CARNS1: variants seen among roughly 807,000 people sequenced by gnomAD.
CARNS1 encodes carnosine synthase 1.
Under a neutral mutation model 74.0 loss-of-function variants are expected in CARNS1, and 61 were observed. The observed-to-expected ratio is 0.82, with a 90% CI of 0.67 to 1.02. CARNS1 has a LOEUF of 1.02. Ranked by LOEUF, CARNS1 falls within the 50% of genes least tolerant of loss-of-function variation. CARNS1 has a pLI of 0.00. For missense variants in CARNS1, 1,278 were observed against 1,308.4 expected (o/e 0.98, Z 0.36); for synonymous variants, 568 against 605.5 (o/e 0.94, Z 0.91).
intron 3 of CARNS1, 118 bp from the exon 4 acceptor site, chr11:67,418,313 G>A (rs1360377950): frequency 8.9e-6 from 6 of 677,230 alleles, no homozygotes; most frequent in Non-Finnish European, 1.4e-5. Context: ...TGTCTCATCC[G>A]ATTCCTGGGA....
In CARNS1 at chr11:67,424,698, C is replaced by A. The variant is rs144378574; in HGVS notation, c.*97C>A. 1,110 of 1,305,724 alleles carry A rather than the reference C, an allele frequency of 8.5e-4. 6 individuals are homozygous for A. In the African/African-American group the frequency reaches 0.014, roughly 16 times the overall value. 80.9% of individuals were successfully genotyped at this position (1,305,724 alleles called of 1,614,324 possible). On this transcript the variant is annotated 3_prime_UTR_variant, in exon 10 of 10. Transcript: ENST00000687366. Reference sequence around the variant, plus strand: ...TCCTGCTTCTCTCCCCATCACCATGCCCCAGCCCCAGCCTGGCCCGCTGCA... The same window carrying A: ...TCCTGCTTCTCTCCCCATCACCATGACCCAGCCCCAGCCTGGCCCGCTGCA...
intron 2 of CARNS1, chr11:67,416,774 G>A (rs1417034293): frequency 1.0e-6 from 1 of 986,266 alleles, no homozygotes; most frequent in Non-Finnish European, 1.2e-6. Context: ...CTCAGAGAGG[G>A]GAGGGACGTT....
Position 67,423,942 on chromosome 11 carries a change from G to A in CARNS1, c.2194G>A (p.Glu732Lys), listed in dbSNP as rs780065110. 2.5e-6 allele frequency: 4 copies of A among 1,613,590 alleles called. No individual in the cohort carries two copies. Among genetic ancestry groups the A allele is most frequent in the South Asian group, 2.2e-5 (2 of 91,072 alleles). The change falls in exon 10 of 10, where the codon GAG becomes AAG. Residue 732 changes from glutamate (E) to lysine (K), a missense_variant. Glu to Lys is a moderately conservative substitution (Grantham distance 56). Transcript: ENST00000687366. This position sits in a 1 kb window ranked among gnomAD's most constrained non-coding sequence, Gnocchi z 5.1. ...MLLMEFVEGT[E>K]HDVDLVLFGG... ...GCTGATGGAGTTTGTGGAGGGCACCGAGCACGACGTGGACCTGGTGTTGTT... is the reference window on the plus strand; with the variant it reads ...GCTGATGGAGTTTGTGGAGGGCACCAAGCACGACGTGGACCTGGTGTTGTT...
In CARNS1 at chr11:67,419,064, G is replaced by C. The variant is rs1349857876; in HGVS notation, c.673G>C (p.Gly225Arg). The change falls in exon 5 of 10, where the codon GGT (glycine) becomes CGT (arginine). Residue 225 changes from glycine (G) to arginine (R), a missense_variant. Around this residue, in one of 3 missense-constraint regions of CARNS1, gnomAD observed 1,164 missense variants for 1,156.5 expected, o/e 1.01. Coordinates refer to ENST00000687366, the MANE Select transcript of CARNS1 (RefSeq NM_001166222.2). ...LTRQLLAQQG[G>R]VAVPATLAFT... ...AAGGCAGTTGCTGGCCCAGCAGGGT[G>C]GTGTGGCTGTGCCAGCAACCCTGGC... 1 of 1,560,748 alleles carries C rather than the reference G, an allele frequency of 6.4e-7. No homozygotes were observed. The highest frequency in any genetic ancestry group is 8.7e-7 in the Non-Finnish European group (1 of 1,153,806).
At chr11:67,418,704 G>A (rs984909596) in intron 4 of CARNS1, 52 bp from the exon 5 acceptor site, 15 of 1,503,274 alleles carry the variant, frequency 1.0e-5, no homozygotes, top group East Asian at 2.4e-5. Flanking sequence ...GGGGGCCCGG[G>A]CATAGGGCAT....
intron 3 of CARNS1, 83 bp from the exon 4 acceptor site, chr11:67,418,348 C>A: frequency 1.0e-6 from 1 of 1,001,044 alleles, no homozygotes; most frequent in Non-Finnish European, 1.4e-6. Context: ...CAGGGTGGGG[C>A]CGTGGGTGTG....
In CARNS1 at chr11:67,417,234, G is replaced by C. The variant is rs186724694; in HGVS notation, c.4-173G>C. The C allele has an allele frequency of 5.4e-4, 663 of 1,234,646 alleles. 5 individuals carry two copies. Among genetic ancestry groups the C allele is most frequent in the Non-Finnish European group, 3.2e-4 (314 of 989,000 alleles). 76.5% of individuals were successfully genotyped at this position (1,234,646 alleles called of 1,614,324 possible). A position where few individuals can be genotyped will look rare whatever the true frequency, so the allele number is the denominator to read the frequency against. ...GTTTACAAAGCACTCCCACGGTTGC[G>C]TTCCCATTAACAAGCCTTCGCCCCC... On this transcript the variant is annotated intron_variant, in intron 2 of 9. Transcript: ENST00000687366.
In CARNS1 at chr11:67,425,219, G is replaced by A; in HGVS notation, c.*618G>A. Reference sequence around the variant, plus strand: ...ACAACTGCCTATGTTCCCCCGATGAGAGGAAACAGGCTGAGAGAAGAAAAA... The same window carrying A: ...ACAACTGCCTATGTTCCCCCGATGAAAGGAAACAGGCTGAGAGAAGAAAAA... On this transcript the variant is annotated 3_prime_UTR_variant, in exon 10 of 10. Transcript: ENST00000687366. 2.7e-6 allele frequency: 1 copy of A among 377,274 alleles called. No homozygotes were observed. The highest frequency in any genetic ancestry group is 5.3e-6 in the Non-Finnish European group (1 of 189,890). 23.4% of individuals were successfully genotyped at this position (377,274 alleles called of 1,614,324 possible).
At position 67,417,478 on chromosome 11, in the gene CARNS1, C is replaced by T. The variant is rs1164498224; in HGVS notation, c.75C>T (p.Pro25=). The T allele has an allele frequency of 3.4e-6, 5 of 1,451,930 alleles. No homozygotes were observed. The highest frequency in any genetic ancestry group is 1.4e-5 in the South Asian group (1 of 72,682). 89.9% of individuals were successfully genotyped at this position (1,451,930 alleles called of 1,614,324 possible). ...CCAAGGACCTGGAGGAAGAGGGCCCCTGGGGAGGGGGCTCTGGCCTGCCGC... is the reference window on the plus strand; with the variant it reads ...CCAAGGACCTGGAGGAAGAGGGCCCTTGGGGAGGGGGCTCTGGCCTGCCGC... ...LGSKDLEEEG[P]WGGGSGLPPT... is the part of the protein sequence containing the mutation. The change falls in exon 3 of 10, where the codon CCC becomes CCT. Residue 25 remains proline, a synonymous_variant. Coordinates refer to ENST00000687366, the MANE Select transcript of CARNS1 (RefSeq NM_001166222.2).
chr11:67,420,789 G>C lies in CARNS1; in HGVS notation c.1294G>C (p.Gly432Arg), dbSNP rs1229346479. 3.2e-6 allele frequency: 4 copies of C among 1,236,028 alleles called. No homozygotes were observed. The highest frequency in any genetic ancestry group is 3.0e-6 in the Non-Finnish European group (3 of 992,082). The allele number at this position is 1,236,028 out of a possible 1,614,324, so 76.6% of individuals were successfully genotyped here. A position where few individuals can be genotyped will look rare whatever the true frequency, so the allele number is the denominator to read the frequency against. The change falls in exon 8 of 10, where the codon GGC (glycine) becomes CGC (arginine). Residue 432 changes from glycine (G) to arginine (R), a missense_variant. This residue lies in a region of CARNS1 where 1,164 missense variants were observed against 1,156.5 expected (regional missense o/e 1.01). Transcript: ENST00000687366. The stretch of plus-strand genomic sequence containing the variant: ...GGCCGCCGTGCTGGCTCTGGAGGCC[G>C]GCCTGAGTGCCGAGCAGCGCGGCGG... The part of the protein sequence containing the change: ...ALAAVLALEA[G>R]LSAEQRGGRR...
At position 67,424,286 on chromosome 11, in the gene CARNS1, T is replaced by TCCTGC; in HGVS notation, c.2546_2550dup (p.Thr851CysfsTer25). 6.2e-7 allele frequency: 1 copy of TCCTGC among 1,612,694 alleles called. No individual in the cohort carries two copies. Among genetic ancestry groups the TCCTGC allele is most frequent in the Non-Finnish European group, 8.5e-7 (1 of 1,179,732 alleles). Reference sequence around the variant, plus strand: ...CTGTTATGGTGGCCTGTGGCTTGCGTCCTGCCCTGCCCACCCGCCCACGTG... The same window carrying TCCTGC: ...CTGTTATGGTGGCCTGTGGCTTGCGTCCTGCCCTGCCCTGCCCACCCGCCCACGTG... On this transcript the variant is annotated frameshift_variant, in exon 10 of 10. Transcript: ENST00000687366. LOFTEE classifies it high-confidence loss of function.
At chr11:67,420,890 G>T in intron 8 of CARNS1, 49 bp from the exon 9 acceptor site, 1 of 1,326,734 alleles carries the variant, frequency 7.5e-7, no homozygotes, top group East Asian at 3.3e-5. Flanking sequence ...GCCAGGGGCT[G>T]GAGGGCGGTG....
intron 9 of CARNS1, among the ~76,000 whole-genome samples, chr11:67,421,982 C>T (rs576197399): frequency 6.6e-6 from 1 of 151,484 alleles, no homozygotes; most frequent in East Asian, 2.0e-4. Flanking sequence ...CCCGGGTTCA[C>T]GCCATTCTCC....
rs776441965 is a variant in CARNS1, at chr11:67,418,950, C to T, written c.559C>T (p.Arg187Ter). 2.0e-5 allele frequency: 32 copies of T among 1,573,850 alleles called. No homozygotes were observed. Among genetic ancestry groups the T allele is most frequent in the South Asian group, 3.5e-5 (3 of 86,396 alleles). The change falls in exon 5 of 10, where the codon CGA (arginine) becomes TGA (stop). Residue 187 changes from arginine (R) to a stop codon, truncating the protein, a stop_gained. Coordinates refer to ENST00000687366, the MANE Select transcript of CARNS1 (RefSeq NM_001166222.2). LOFTEE classifies it high-confidence loss of function. The stretch of plus-strand genomic sequence containing the variant: ...CCTGGGCCTGGGGCCTGGCCGGGGC[C>T]GAGAGGCAGCAGAACTCGCCCGTGA... ...AGLGLGPGRGREAAELARDLT... is the reference protein window; with the variant it reads ...AGLGLGPGRG
Position 67,420,612 on chromosome 11 carries a change from G to T in CARNS1, c.1117G>T (p.Val373Leu), listed in dbSNP as rs1863668948. The change falls in exon 8 of 10, where the codon GTG becomes TTG. Residue 373 changes from valine to leucine, a missense_variant. Physicochemically the swap from Val to Leu is conservative, Grantham distance 32 (BLOSUM62 1). This residue lies in a region of CARNS1 where 1,164 missense variants were observed against 1,156.5 expected (regional missense o/e 1.01). Transcript: ENST00000687366. ...QGDRPLLSKV[V>L]CGVGRGDRPL... ...CCCTGAGTCTCCCCCTGCCCAGGTG[G>T]TGTGCGGCGTGGGCCGCGGGGACCG... 12 of 1,239,238 alleles carry T rather than the reference G, an allele frequency of 9.7e-6. No homozygotes were observed. Among genetic ancestry groups the T allele is most frequent in the Non-Finnish European group, 1.2e-5 (12 of 992,106 alleles). The allele number at this position is 1,239,238 out of a possible 1,614,324, so 76.8% of individuals were successfully genotyped here. A position where few individuals can be genotyped will look rare whatever the true frequency, so the allele number is the denominator to read the frequency against.
rs1183258561 is a variant in CARNS1, at chr11:67,423,989, C to T, written c.2241C>T (p.Ala747=). ...LVLFGGRLLA[A]FVSDNGPTRL... is the part of the protein sequence containing the mutation. Reference sequence around the variant, plus strand: ...TGTTTGGTGGGCGGTTGCTGGCTGCCTTTGTCTCCGACAATGGCCCTACGA... The same window carrying T: ...TGTTTGGTGGGCGGTTGCTGGCTGCTTTTGTCTCCGACAATGGCCCTACGA... The change falls in exon 10 of 10, where the codon GCC becomes GCT. Residue 747 remains alanine, a synonymous_variant. Transcript: ENST00000687366. The surrounding 1 kb of genome is among the most constrained non-coding windows in gnomAD (Gnocchi z 5.1). 4 of 1,613,276 alleles carry T rather than the reference C, an allele frequency of 2.5e-6. No individual in the cohort carries two copies. Among genetic ancestry groups the T allele is most frequent in the Non-Finnish European group, 3.4e-6 (4 of 1,179,848 alleles).
At chr11:67,417,079 T>G in intron 2 of CARNS1, 1 of 1,086,438 alleles carries the variant, frequency 9.2e-7, no homozygotes, top group Non-Finnish European at 1.1e-6. Context: ...GTTGCCTCCA[T>G]GAACAAAACA....
rs1025176721 is a variant in CARNS1, at chr11:67,420,799, C to T, written c.1304C>T (p.Ala435Val). Reference sequence around the variant, plus strand: ...CTGGCTCTGGAGGCCGGCCTGAGTGCCGAGCAGCGCGGCGGGCGCCGGGCG... The same window carrying T: ...CTGGCTCTGGAGGCCGGCCTGAGTGTCGAGCAGCGCGGCGGGCGCCGGGCG... ...AVLALEAGLS[A>V]EQRGGRRAHT... The change falls in exon 8 of 10, where the codon GCC becomes GTC. Residue 435 changes from alanine to valine, a missense_variant. Ala to Val is a moderately conservative substitution (Grantham distance 64). Coordinates refer to ENST00000687366, the MANE Select transcript of CARNS1 (RefSeq NM_001166222.2). The T allele has an allele frequency of 7.3e-6, 9 of 1,229,866 alleles. No individual in the cohort carries two copies. Among genetic ancestry groups the T allele is most frequent in the Non-Finnish European group, 9.1e-6 (9 of 988,022 alleles). 76.2% of individuals were successfully genotyped at this position (1,229,866 alleles called of 1,614,324 possible). A position where few individuals can be genotyped will look rare whatever the true frequency, so the allele number is the denominator to read the frequency against.
Position 67,423,691 on chromosome 11 carries a change from A to C in CARNS1, c.1943A>C (p.His648Pro), listed in dbSNP as rs1180153685. 1.3e-6 allele frequency: 2 copies of C among 1,590,216 alleles called. No homozygotes were observed. Among genetic ancestry groups the C allele is most frequent in the Non-Finnish European group, 1.7e-6 (2 of 1,172,142 alleles). Reference protein sequence around the residue: ...HGPPWPAPSLHAVPCCPLESE... With the variant: ...HGPPWPAPSLPAVPCCPLESE... ...CCACCCTGGCCTGCGCCCTCCCTCC[A>C]TGCTGTGCCCTGCTGCCCACTGGAG... is the stretch of plus-strand genomic sequence containing the variant. The change falls in exon 10 of 10, where the codon CAT becomes CCT. Residue 648 changes from histidine to proline, a missense_variant. Around this residue, in one of 3 missense-constraint regions of CARNS1, gnomAD observed 1,164 missense variants for 1,156.5 expected, o/e 1.01. Coordinates refer to ENST00000687366, the MANE Select transcript of CARNS1 (RefSeq NM_001166222.2). This position sits in a 1 kb window ranked among gnomAD's most constrained non-coding sequence, Gnocchi z 5.1.
Sources: allele counts gnomAD v4.1 joint callset (sites outside exome capture counted in the v4.1 genomes callset), GRCh38; gene constraint gnomAD v4.1.1; regional missense constraint gnomAD v4.1.1; non-coding constraint Gnocchi (gnomAD v3.1); transcripts MANE v1.5; gene names NCBI Gene and HGNC (gene_info 2026-07-23, HGNC 2026-07-21).